TMCO5A: variants seen among roughly 807,000 people sequenced by gnomAD.
The protein encoded by TMCO5A is transmembrane and coiled-coil domains 5A, also known as transmembrane and coiled-coil domain-containing protein 5A.
A neutral mutation model predicts 42.3 loss-of-function variants in TMCO5A; 34 were observed. The ratio of observed to expected loss-of-function variants is 0.80; its 90% CI spans 0.61 to 1.07. The LOEUF (loss-of-function observed/expected upper bound fraction) is 1.07, where lower values mean the gene tolerates loss of function less well. TMCO5A is among the 50% of genes least tolerant of loss of function. TMCO5A has a pLI of 0.00. For synonymous variants in TMCO5A, 131 were observed against 115.6 expected, an observed-to-expected ratio of 1.13 and a Z score of -0.86; for missense variants, 357 against 327.9, an observed-to-expected ratio of 1.09 and a Z score of -0.69.
the TMCO5A span, among the ~76,000 whole-genome samples, chr15:38,020,915 CTG>C: frequency 2.0e-5 from 3 of 152,000 alleles, no homozygotes; most frequent in African/African-American, 7.3e-5. Flanking sequence ...TTTCAGGAAA[CTG>C]TGGATGGATC....
intron 11 of TMCO5A, among the ~76,000 whole-genome samples, chr15:37,948,920 T>G (rs1696456375): frequency 6.6e-6 from 1 of 152,068 alleles, no homozygotes; most frequent in South Asian, 2.1e-4. Context: ...GGTGTTGTAC[T>G]GAAATGAGTG....
chr15:37,947,559 T>A lies in TMCO5A; in HGVS notation c.628-97T>A. 3 of 810,782 alleles carry A rather than the reference T, an allele frequency of 3.7e-6. No individual in the cohort carries two copies. The South Asian group carries it at 4.9e-5, about 13-fold the overall frequency. 50.2% of individuals were successfully genotyped at this position (810,782 alleles called of 1,614,324 possible). On this transcript the variant is annotated intron_variant, in intron 10 of 11. Transcript: ENST00000319669. ...ATATAAAAAGAATTTGTTAAAGTTATCTAAATAACATATAACTAATGGCTC... is the reference window on the plus strand; with the variant it reads ...ATATAAAAAGAATTTGTTAAAGTTAACTAAATAACATATAACTAATGGCTC...
chr15:37,978,591 G>A, the TMCO5A span, among the ~76,000 whole-genome samples: 2 of 152,130 alleles, frequency 1.3e-5, no homozygotes, highest in African/African-American at 4.8e-5. Context: ...GGGTAGTAAG[G>A]GTGGTACCAC....
At chr15:37,938,371 C>A in intron 6 of TMCO5A, 142 bp downstream of exon 6, 1 of 660,654 alleles carries the variant, frequency 1.5e-6, no homozygotes, top group Non-Finnish European at 2.6e-6. Context: ...CACTGGAGTG[C>A]TGAATTCTTC....
At chr15:38,025,971 C>G in the TMCO5A span, among the ~76,000 whole-genome samples, 2 of 152,200 alleles carry the variant, frequency 1.3e-5, no homozygotes, top group African/African-American at 4.8e-5. Flanking sequence ...CACCATGATT[C>G]TGAGGCCTCC....
rs567128371 is a variant in TMCO5A at position 37,963,792 on chromosome 15, G to A, written c.669-2833G>A. Among the ~76,000 whole-genome samples the A allele has an allele frequency of 1.3e-3, 202 of 152,190 alleles. 2 individuals carry two copies. The highest frequency in any genetic ancestry group is 4.5e-3 in the African/African-American group (187 of 41,524). On this transcript the variant is annotated intron_variant, in intron 11 of 11. Coordinates refer to the TMCO5A transcript ENST00000559502. ...ATTTTCCTGTTGGACAAGGCCTTTC[G>A]CCATTATACAATGTCCCTCTTTCTC...
chr15:38,009,088 G>A, the TMCO5A span, among the ~76,000 whole-genome samples: 1 of 152,172 alleles, frequency 6.6e-6, no homozygotes, highest in Non-Finnish European at 1.5e-5. Flanking sequence ...GTCATATGTG[G>A]AAAATCAGCA....
At chr15:38,026,483 C>G in the TMCO5A span, among the ~76,000 whole-genome samples, 1 of 152,106 alleles carries the variant, frequency 6.6e-6, no homozygotes, top group East Asian at 1.9e-4. Flanking sequence ...GACTTGGGTG[C>G]TGTTAAAGGC....
At chr15:37,988,389 T>C in the TMCO5A span, among the ~76,000 whole-genome samples, 2 of 152,018 alleles carry the variant, frequency 1.3e-5, no homozygotes, top group African/African-American at 4.8e-5. Flanking sequence ...CTATGTTGAA[T>C]AGAAATGGCA....
the TMCO5A span, among the ~76,000 whole-genome samples, chr15:38,017,256 G>C: frequency 6.6e-6 from 1 of 152,156 alleles, no homozygotes; most frequent in Non-Finnish European, 1.5e-5. Context: ...CAAAACTTCT[G>C]CCTCCTAATA....
intron 2 of TMCO5A, 50 bp from the exon 3 acceptor site, chr15:37,936,264 T>C (rs1453066008): frequency 3.8e-6 from 6 of 1,569,766 alleles, no homozygotes; most frequent in Non-Finnish European, 5.2e-6. Context: ...CTGATGATTA[T>C]TGATCTTGAG....
In TMCO5A at chr15:37,966,774, T is replaced by C. The variant is rs1334584891; in HGVS notation, c.*131T>C. 4 of 692,370 alleles carry C rather than the reference T, an allele frequency of 5.8e-6. No homozygotes were observed. In the African/African-American group the frequency reaches 7.0e-5, roughly 12 times the overall value. The allele number at this position is 692,370 out of a possible 1,614,324, so 42.9% of individuals were successfully genotyped here. A position where few individuals can be genotyped will look rare whatever the true frequency, so the allele number is the denominator to read the frequency against. On this transcript the variant is annotated 3_prime_UTR_variant, in exon 12 of 12. Coordinates refer to the TMCO5A transcript ENST00000559502. ...CATAAACTGGCCTATCTGAGGTCAA[T>C]TGCCTACCCTGTCCCACAGTCAATG...
chr15:37,993,384 T>A, the TMCO5A span: 11 of 151,906 alleles, frequency 7.2e-5, no homozygotes, highest in Admixed American at 2.6e-4. Flanking sequence ...TTTTTTTTTT[T>A]ATTTTTGATT....
the TMCO5A span, among the ~76,000 whole-genome samples, chr15:37,983,298 A>G: frequency 1.3e-5 from 2 of 152,208 alleles, no homozygotes; most frequent in South Asian, 2.1e-4. Context: ...AGATATCATT[A>G]TGCGCAGTTT....
At chr15:38,029,367 C>CCACACACACACA in the TMCO5A span, among the ~76,000 whole-genome samples, 23 of 148,060 alleles carry the variant, frequency 1.6e-4, no homozygotes, top group African/African-American at 5.5e-4. Context: ...CATGAATACA[C>CCACACACACACA]CACACACACA....
chr15:37,996,971 C>A, the TMCO5A span, among the ~76,000 whole-genome samples: 8 of 152,100 alleles, frequency 5.3e-5, no homozygotes, highest in African/African-American at 1.9e-4. Flanking sequence ...TACATTCTAA[C>A]TGAGAAGGAA....
the TMCO5A span, among the ~76,000 whole-genome samples, chr15:38,008,664 A>C: frequency 5.9e-5 from 9 of 152,168 alleles, no homozygotes; most frequent in African/African-American, 1.4e-4. Flanking sequence ...CATTCCACAC[A>C]GTGCCAGGCA....
chr15:37,974,021 A>T, the TMCO5A span, among the ~76,000 whole-genome samples: 51 of 152,152 alleles, frequency 3.4e-4, no homozygotes, highest in African/African-American at 1.1e-3. Context: ...TGAAATGATC[A>T]TGTGGTTTTG....
the TMCO5A span, among the ~76,000 whole-genome samples, chr15:37,983,527 C>G: frequency 6.6e-6 from 1 of 152,106 alleles, no homozygotes; most frequent in Non-Finnish European, 1.5e-5. Context: ...AGGGAGAAAC[C>G]CCAACCTTGA....
Sources: allele counts gnomAD v4.1 joint callset (sites outside exome capture counted in the v4.1 genomes callset), GRCh38; gene constraint gnomAD v4.1.1; transcripts MANE v1.5; gene names NCBI Gene and HGNC (gene_info 2026-07-23, HGNC 2026-07-21).